TENT4A: variants seen among roughly 807,000 people sequenced by gnomAD.
TENT4A encodes the protein DNA polymerase kappa.
A neutral mutation model predicts 72.8 loss-of-function variants in TENT4A; 7 were observed. That is an observed-to-expected ratio of 0.10 (90% CI 0.05 to 0.18). TENT4A has a LOEUF of 0.18. Ranked by LOEUF, TENT4A falls within the 10% of genes least tolerant of loss-of-function variation. TENT4A has a pLI of 1.00. For missense variants in TENT4A, 831 were observed against 1,017.7 expected (o/e 0.82, Z 2.50); for synonymous variants, 456 against 434.3 (o/e 1.05, Z -0.62).
intron 1 of TENT4A, among the ~76,000 whole-genome samples, chr5:6,736,726 G>A (rs1453831571): frequency 6.6e-6 from 1 of 152,236 alleles, no homozygotes; most frequent in Admixed American, 6.5e-5. Context: ...GCACCTTTGA[G>A]GTGGCGGCGT....
rs1740248385 is a variant in TENT4A at position 6,714,331 on chromosome 5, G to A, written c.348G>A (p.Ser116=). ...TGTCGTCCTCGTCGTCGTCCTCCTC[G>A]TCCAACGCGGAGTCGGGCACCGAGA... is the stretch of plus-strand genomic sequence containing the variant. ...PSLSSSSSSS[S]SNAESGTESP... is the part of the protein sequence containing the mutation. Residue 116 remains serine, a synonymous_variant, in exon 1 of 13, where the codon TCG becomes TCA. Coordinates refer to ENST00000230859, the MANE Select transcript of TENT4A (RefSeq NM_006999.6). The A allele has an allele frequency of 1.8e-6, 2 of 1,124,394 alleles. No homozygotes were observed. Among genetic ancestry groups the A allele is most frequent in the Non-Finnish European group, 2.2e-6 (2 of 919,856 alleles). The allele number at this position is 1,124,394 out of a possible 1,614,324, so 69.7% of individuals were successfully genotyped here.
rs1192919368 is a variant in TENT4A, at chr5:6,714,538, G to C, written c.555G>C (p.Pro185=). ...AGSPSQHQFH[P]GRRKRENKAS... Reference sequence around the variant, plus strand: ...CCCCGTCGCAGCACCAGTTCCACCCGGGTCGCCGGAAACGCGAGAACAAGG... The same window carrying C: ...CCCCGTCGCAGCACCAGTTCCACCCCGGTCGCCGGAAACGCGAGAACAAGG... The change falls in exon 1 of 13, where the codon CCG becomes CCC. Residue 185 remains proline (P), a synonymous_variant. Coordinates refer to ENST00000230859, the MANE Select transcript of TENT4A (RefSeq NM_006999.6). 1 of 1,193,920 alleles carries C rather than the reference G, an allele frequency of 8.4e-7. No homozygotes were observed. Among genetic ancestry groups the C allele is most frequent in the Non-Finnish European group, 1.0e-6 (1 of 963,494 alleles). The allele number at this position is 1,193,920 out of a possible 1,614,324, so 74.0% of individuals were successfully genotyped here. A position where few individuals can be genotyped will look rare whatever the true frequency, so the allele number is the denominator to read the frequency against.
intron 4 of TENT4A, among the ~76,000 whole-genome samples, chr5:6,741,562 A>G (rs1741806991): frequency 6.6e-6 from 1 of 152,186 alleles, no homozygotes; most frequent in African/African-American, 2.4e-5. Context: ...TTCTTTGGGA[A>G]AGTATTTCTT....
In TENT4A at chr5:6,755,662, G is replaced by A. The variant is rs1383946035; in HGVS notation, c.*717G>A. 1 of 152,422 alleles carries A rather than the reference G, an allele frequency of 6.6e-6. No homozygotes were observed. The highest frequency in any genetic ancestry group is 1.5e-5 in the Non-Finnish European group (1 of 68,048). The allele number at this position is 152,422 out of a possible 1,614,324, so 9.4% of individuals were successfully genotyped here. A position where few individuals can be genotyped will look rare whatever the true frequency, so the allele number is the denominator to read the frequency against. On this transcript the variant is annotated 3_prime_UTR_variant, in exon 13 of 13. Transcript: ENST00000230859. ...TGTCTTTTCTTTTGGTCGGAAGTGAGTGAAGGAGCCAGGTCGCCCTGAAGG... is the reference window on the plus strand; with the variant it reads ...TGTCTTTTCTTTTGGTCGGAAGTGAATGAAGGAGCCAGGTCGCCCTGAAGG...
chr5:6,718,528 G>T (rs1740495426), intron 1 of TENT4A, among the ~76,000 whole-genome samples: 1 of 152,206 alleles, frequency 6.6e-6, no homozygotes, highest in African/African-American at 2.4e-5. Context: ...TGGCACGTGT[G>T]GACCTTGCTT....
chr5:6,745,174 A>G (rs532564837), intron 6 of TENT4A, among the ~76,000 whole-genome samples: 86 of 152,358 alleles, frequency 5.6e-4, no homozygotes, highest in Admixed American at 1.0e-3. Context: ...ATTTTGGCTA[A>G]AAGACAAGGA....
At chr5:6,726,579 C>A (rs946722306) in intron 1 of TENT4A, among the ~76,000 whole-genome samples, 17 of 152,228 alleles carry the variant, frequency 1.1e-4, no homozygotes, top group Non-Finnish European at 2.1e-4. Context: ...ACTGTTGGTG[C>A]CTTTTTGTCG....
At chr5:6,726,344 C>T (rs1043773175) in intron 1 of TENT4A, among the ~76,000 whole-genome samples, 13 of 152,186 alleles carry the variant, frequency 8.5e-5, no homozygotes, top group Non-Finnish European at 1.5e-5. Flanking sequence ...AGACCTCATG[C>T]TCATCATCAG....
chr5:6,745,969 C>T, intron 6 of TENT4A: 4 of 1,303,968 alleles, frequency 3.1e-6, no homozygotes, highest in Middle Eastern at 3.0e-4. Context: ...AGGAAGTTTG[C>T]TGTATGGATT....
chr5:6,731,960 A>G (rs751800867), intron 1 of TENT4A, among the ~76,000 whole-genome samples: 1 of 152,120 alleles, frequency 6.6e-6, no homozygotes, highest in Non-Finnish European at 1.5e-5. Flanking sequence ...GTTTTATTTT[A>G]CATACGCTGT....
rs1742672155 is a variant in TENT4A, at chr5:6,755,936, A to G, written c.*991A>G. 1 of 152,266 alleles carries G rather than the reference A, an allele frequency of 6.6e-6. No homozygotes were observed. Among genetic ancestry groups the G allele is most frequent in the East Asian group, 1.9e-4 (1 of 5,200 alleles). 9.4% of individuals were successfully genotyped at this position (152,266 alleles called of 1,614,324 possible). A position where few individuals can be genotyped will look rare whatever the true frequency, so the allele number is the denominator to read the frequency against. On this transcript the variant is annotated 3_prime_UTR_variant, in exon 13 of 13. Coordinates refer to ENST00000230859, the MANE Select transcript of TENT4A (RefSeq NM_006999.6). Reference sequence around the variant, plus strand: ...ACGCTTCGGTCAGTTTTAGTGACATAGCCTGTGATGATGGGTCTGGTGACT... The same window carrying G: ...ACGCTTCGGTCAGTTTTAGTGACATGGCCTGTGATGATGGGTCTGGTGACT...
At chr5:6,735,823 C>T (rs1741454522) in intron 1 of TENT4A, among the ~76,000 whole-genome samples, 1 of 149,926 alleles carries the variant, frequency 6.7e-6, no homozygotes, top group South Asian at 2.1e-4. Flanking sequence ...TACAGTGGTG[C>T]AATCTCGGCC....
intron 10 of TENT4A, chr5:6,750,830 G>A: frequency 1.7e-6 from 1 of 579,040 alleles, no homozygotes; most frequent in East Asian, 2.8e-5. Flanking sequence ...TATCTCTTCT[G>A]TATTTCCTTT....
At chr5:6,739,922 G>A (rs1741710992) in intron 4 of TENT4A, 70 bp downstream of exon 4, 16 of 1,474,930 alleles carry the variant, frequency 1.1e-5, no homozygotes, top group African/African-American at 2.8e-5. Flanking sequence ...CACAGGATAC[G>A]CCTGCGTCAC....
chr5:6,718,370 C>T (rs1285880218), intron 1 of TENT4A, among the ~76,000 whole-genome samples: 1 of 152,228 alleles, frequency 6.6e-6, no homozygotes, highest in Non-Finnish European at 1.5e-5. Context: ...CAGGTGTGAC[C>T]TGTCCGGAAC....
chr5:6,727,071 C>T (rs754169306), intron 1 of TENT4A, among the ~76,000 whole-genome samples: 1 of 152,052 alleles, frequency 6.6e-6, no homozygotes, highest in Non-Finnish European at 1.5e-5. Context: ...CACTCCTTGT[C>T]GCCATCCACC....
intron 1 of TENT4A, among the ~76,000 whole-genome samples, chr5:6,715,949 TTTC>T (rs1485048939): frequency 6.6e-6 from 1 of 152,156 alleles, no homozygotes; most frequent in Non-Finnish European, 1.5e-5. Context: ...TTGGGAGCAG[TTTC>T]TTCTTGATGA....
intron 4 of TENT4A, 70 bp downstream of exon 4, chr5:6,739,922 G>C: frequency 6.8e-7 from 1 of 1,474,938 alleles, no homozygotes; most frequent in Non-Finnish European, 9.4e-7. Context: ...CACAGGATAC[G>C]CCTGCGTCAC....
At chr5:6,723,146 G>T (rs2126603209) in intron 1 of TENT4A, among the ~76,000 whole-genome samples, 1 of 152,316 alleles carries the variant, frequency 6.6e-6, no homozygotes, top group East Asian at 1.9e-4. Flanking sequence ...CACTGTGAAA[G>T]CTCTAGAAAT....
Sources: gnomAD v4.1 joint callset for allele counts (sites outside exome capture counted in the v4.1 genomes callset) on GRCh38, gnomAD v4.1.1 for gene constraint, MANE v1.5 for transcripts, NCBI Gene and HGNC (gene_info 2026-07-23, HGNC 2026-07-21) for gene names.